The following SNX6 variants were observed in gnomAD, a reference collection of about 807,000 sequenced individuals.
SNX6 encodes sorting nexin 6, also known as sorting nexin-6.
Under a neutral mutation model 63.0 loss-of-function variants are expected in SNX6, and 34 were observed. That is an observed-to-expected ratio of 0.54 (90% confidence interval 0.41 to 0.72). SNX6 has a LOEUF of 0.72. Ranked by LOEUF, SNX6 falls within the 30% of genes least tolerant of loss-of-function variation. The pLI is 0.00. For synonymous variants in SNX6, 170 were observed against 164.2 expected (o/e 1.04, Z -0.27); for missense variants, 398 against 471.4 (o/e 0.84, Z 1.44).
At chr14:34,616,838 C>T (rs991834296) in intron 2 of SNX6, among the ~76,000 whole-genome samples, 14 of 151,424 alleles carry the variant, frequency 9.2e-5, no homozygotes, top group African/African-American at 2.4e-4. Context: ...TTTGGGAGGC[C>T]GAAGAGGGAG....
intron 13 of SNX6, among the ~76,000 whole-genome samples, chr14:34,565,879 T>C (rs985459468): frequency 3.3e-5 from 5 of 151,542 alleles, no homozygotes; most frequent in East Asian, 2.0e-4. Flanking sequence ...TTAGTAGAGA[T>C]GGGGTTCCAC....
At chr14:34,622,214 G>A (rs1334190900) in intron 2 of SNX6, among the ~76,000 whole-genome samples, 1 of 149,472 alleles carries the variant, frequency 6.7e-6, no homozygotes, top group Non-Finnish European at 1.5e-5. Context: ...CGCCCACCTC[G>A]GCCTCCCATA....
At chr14:34,565,574 T>C (rs1272865451) in intron 13 of SNX6, among the ~76,000 whole-genome samples, 2 of 152,138 alleles carry the variant, frequency 1.3e-5, no homozygotes, top group East Asian at 3.9e-4. Context: ...TGGAGTGCAG[T>C]GGCGCAATCT....
At chr14:34,576,403 C>A (rs1261255572) in intron 10 of SNX6, among the ~76,000 whole-genome samples, 5 of 149,124 alleles carry the variant, frequency 3.4e-5, no homozygotes, top group Non-Finnish European at 7.4e-5. Context: ...GAAAAAAGAT[C>A]AAATGAGACT....
At chr14:34,563,416 G>A (rs888822009) in intron 13 of SNX6, among the ~76,000 whole-genome samples, 5 of 151,998 alleles carry the variant, frequency 3.3e-5, no homozygotes, top group South Asian at 2.1e-4. Context: ...AAAATTAGCC[G>A]GGCGTGGTGG....
intron 2 of SNX6, among the ~76,000 whole-genome samples, chr14:34,623,732 A>C (rs1246927518): frequency 6.6e-6 from 1 of 152,232 alleles, no homozygotes; most frequent in Non-Finnish European, 1.5e-5. Context: ...GCACAACTGG[A>C]AAGTGATGCT....
At chr14:34,574,171 A>G (rs1466893196) in intron 11 of SNX6, among the ~76,000 whole-genome samples, 1 of 150,448 alleles carries the variant, frequency 6.6e-6, no homozygotes, top group Non-Finnish European at 1.5e-5. Context: ...CTCCATCTCT[A>G]CTAAAAATAC....
rs1881005602 is a variant in SNX6, at chr14:34,563,161, C to T, written c.1182G>A (p.Leu394=). ...TTAACACTGCCAGGCAGTTCTGCAG[C>T]AACTGTAGATTACCCTAAAAAAGGA... ...ELKHAKGNLQ[L]LQNCLAVLNG... is the part of the protein sequence containing the mutation. The change falls in exon 14 of 14, where the codon TTG becomes TTA. Residue 394 remains leucine (L), a synonymous_variant. Transcript: ENST00000362031. 6.2e-7 allele frequency: 1 copy of T among 1,613,672 alleles called. No homozygotes were observed. Among genetic ancestry groups the T allele is most frequent in the South Asian group, 1.1e-5 (1 of 90,996 alleles).
In SNX6 at chr14:34,608,604, A is replaced by C. The variant is rs376043647; in HGVS notation, c.160-464T>G. 9.2e-5 allele frequency among the ~76,000 whole-genome samples: 14 copies of C among 152,240 alleles called. No individual in the cohort carries two copies. The East Asian group carries it at 1.2e-3, about 13-fold the overall frequency. Reference sequence around the variant, plus strand: ...CGGATTGTTGGGAAAGTAAGTTGACAGGCTTATTATATTGTACTGCTACAG... The same window carrying C: ...CGGATTGTTGGGAAAGTAAGTTGACCGGCTTATTATATTGTACTGCTACAG... On this transcript the variant is annotated intron_variant, in intron 3 of 13. Transcript: ENST00000362031.
intron 5 of SNX6, 98 bp downstream of exon 5, chr14:34,605,498 G>C (rs1882980831): frequency 1.1e-6 from 1 of 950,168 alleles, no homozygotes; most frequent in Non-Finnish European, 1.5e-6. Context: ...TTAATGATGG[G>C]ATATCAGAAA....
intron 10 of SNX6, among the ~76,000 whole-genome samples, chr14:34,580,907 CA>C (rs1443057747): frequency 6.6e-6 from 1 of 152,192 alleles, no homozygotes; most frequent in Non-Finnish European, 1.5e-5. Context: ...CCTCCTGCCT[CA>C]GCCTCCCAAA....
chr14:34,574,112 G>A (rs1467160681), intron 11 of SNX6, among the ~76,000 whole-genome samples: 2 of 150,470 alleles, frequency 1.3e-5, no homozygotes, highest in African/African-American at 4.9e-5. Flanking sequence ...CCGAGGTGGG[G>A]GGATCACGGG....
intron 6 of SNX6, among the ~76,000 whole-genome samples, chr14:34,602,421 G>A (rs1355586765): frequency 1.6e-5 from 2 of 124,638 alleles, no homozygotes; most frequent in East Asian, 2.1e-4. Context: ...GAGCGAAACT[G>A]TCTTAAAAAA....
At position 34,575,784 on chromosome 14, in the gene SNX6, T is replaced by C; in HGVS notation, c.893A>G (p.Tyr298Cys). ...EDLKLSDLLK[Y>C]YLRESQAAKD... is the part of the protein sequence containing the mutation. ...AGCAGCTTGAGATTCTCTTAAGTAA[T>C]ATTTTAAAAGATCAGAAAGTTTGAG... Residue 298 changes from tyrosine to cysteine, a missense_variant, in exon 11 of 14, where the codon TAT (tyrosine) becomes TGT (cysteine). Coordinates refer to ENST00000362031, the MANE Select transcript of SNX6 (RefSeq NM_152233.4). 5 of 1,594,254 alleles carry C rather than the reference T, an allele frequency of 3.1e-6. No homozygotes were observed. The highest frequency in any genetic ancestry group is 4.3e-6 in the Non-Finnish European group (5 of 1,170,142).
rs1676437408 is a variant in SNX6 at position 34,563,058 on chromosome 14, T to C, written c.*64A>G. The C allele has an allele frequency of 6.6e-7, 1 of 1,516,570 alleles. No individual in the cohort carries two copies. The highest frequency in any genetic ancestry group is 1.4e-5 in the African/African-American group (1 of 72,230). 93.9% of individuals were successfully genotyped at this position (1,516,570 alleles called of 1,614,324 possible). On this transcript the variant is annotated 3_prime_UTR_variant, in exon 14 of 14. Coordinates refer to ENST00000362031, the MANE Select transcript of SNX6 (RefSeq NM_152233.4). Reference sequence around the variant, plus strand: ...CAGTGAGCATAAATGCTTAACATCATTAAGAAAACAAAAATAAAATTTGAA... The same window carrying C: ...CAGTGAGCATAAATGCTTAACATCACTAAGAAAACAAAAATAAAATTTGAA...
chr14:34,625,706 G>A (rs562172277), intron 2 of SNX6, among the ~76,000 whole-genome samples: 13 of 152,020 alleles, frequency 8.6e-5, no homozygotes, highest in South Asian at 2.1e-4. Context: ...GCACCCCAGC[G>A]TGGGCAACAG....
At chr14:34,610,633 T>TG (rs1883192588) in intron 2 of SNX6, among the ~76,000 whole-genome samples, 2 of 152,176 alleles carry the variant, frequency 1.3e-5, no homozygotes, top group Admixed American at 6.6e-5. Context: ...AAACTACATT[T>TG]GAAGAAATAA....
intron 11 of SNX6, among the ~76,000 whole-genome samples, chr14:34,569,459 A>T (rs1286670557): frequency 6.6e-6 from 1 of 150,714 alleles, no homozygotes; most frequent in Non-Finnish European, 1.5e-5. Flanking sequence ...ATGGAGTCTC[A>T]CTCTGTTGCT....
intron 4 of SNX6, among the ~76,000 whole-genome samples, chr14:34,606,466 T>TGGG (rs397820895): frequency 6.7e-6 from 1 of 149,434 alleles, no homozygotes; most frequent in African/African-American, 2.5e-5. Context: ...TTTTTTTTTT[T>TGGG]GGGGGGATGG....
Sources: gnomAD v4.1 joint callset for allele counts (sites outside exome capture counted in the v4.1 genomes callset) on GRCh38, gnomAD v4.1.1 for gene constraint, MANE v1.5 for transcripts, NCBI Gene and HGNC (gene_info 2026-07-23, HGNC 2026-07-21) for gene names.